UBXN11: variants seen among roughly 807,000 people sequenced by gnomAD.
UBXN11 encodes the protein UBX domain protein 11.
In UBXN11, 47 loss-of-function variants were observed where a neutral mutation model predicts 62.8. The ratio of observed to expected loss-of-function variants is 0.75; its 90% CI spans 0.59 to 0.95. UBXN11 has a LOEUF of 0.95. UBXN11 is among the 40% of genes least tolerant of loss of function. UBXN11 has a pLI of 0.00. For synonymous variants in UBXN11, 294 were observed against 267.0 expected (o/e 1.10, Z -0.99); for missense variants, 638 against 661.7 (o/e 0.96, Z 0.39).
chr1:26,301,119 T>C, intron 3 of UBXN11, 95 bp from the exon 4 acceptor site: 1 of 1,595,316 alleles, frequency 6.3e-7, no homozygotes. Flanking sequence ...GCCTATGCAC[T>C]GTGCCCCAGG....
chr1:26,304,460 TTC>T (rs2073613566), intron 1 of UBXN11, among the ~76,000 whole-genome samples: 1 of 151,924 alleles, frequency 6.6e-6, no homozygotes, highest in African/African-American at 2.4e-5. Context: ...CAGAAAAAAA[TTC>T]AAAATTCTGG....
intron 4 of UBXN11, among the ~76,000 whole-genome samples, chr1:26,299,291 C>G (rs530793088): frequency 2.4e-4 from 36 of 151,522 alleles, no homozygotes; most frequent in African/African-American, 8.5e-4. Context: ...GCGGGCAGAT[C>G]ACTTGAGACC....
intron 8 of UBXN11, among the ~76,000 whole-genome samples, chr1:26,291,629 A>G (rs1483904091): frequency 6.6e-6 from 1 of 152,124 alleles, no homozygotes; most frequent in Non-Finnish European, 1.5e-5. Context: ...TGGCAGGCCT[A>G]CCTGAAGCCT....
At chr1:26,294,088 C>T (rs531921750) in intron 8 of UBXN11, 117 bp downstream of exon 8, 26 of 1,471,744 alleles carry the variant, frequency 1.8e-5, no homozygotes, top group South Asian at 7.8e-5. Flanking sequence ...GCTCTCAGGG[C>T]GTCTTGGGTC....
intron 8 of UBXN11, among the ~76,000 whole-genome samples, chr1:26,293,144 G>T (rs1018477302): frequency 6.6e-6 from 1 of 152,184 alleles, no homozygotes; most frequent in Non-Finnish European, 1.5e-5. Flanking sequence ...GGCGCTCTGC[G>T]TTTAACTCAT....
chr1:26,313,970 TG>T (rs1467859496), intron 1 of UBXN11, among the ~76,000 whole-genome samples: 1 of 151,698 alleles, frequency 6.6e-6, no homozygotes, highest in Non-Finnish European at 1.5e-5. Context: ...TTAGTAGAGA[TG>T]GGGTTTCACT....
chr1:26,303,819 T>A (rs2073598663), intron 1 of UBXN11, among the ~76,000 whole-genome samples: 1 of 152,068 alleles, frequency 6.6e-6, no homozygotes, highest in Non-Finnish European at 1.5e-5. Context: ...AGCGCCAAGC[T>A]CAAAGGAAGC....
At chr1:26,304,784 G>A (rs1322925089) in intron 1 of UBXN11, among the ~76,000 whole-genome samples, 1 of 151,934 alleles carries the variant, frequency 6.6e-6, no homozygotes, top group African/African-American at 2.4e-5. Flanking sequence ...TGATATAGGT[G>A]ACCTGGTCCC....
intron 8 of UBXN11, among the ~76,000 whole-genome samples, chr1:26,287,315 T>C (rs1461084084): frequency 1.3e-5 from 2 of 151,942 alleles, no homozygotes; most frequent in African/African-American, 4.8e-5. Context: ...CTGAAACACG[T>C]GTGGCGCATA....
At chr1:26,306,136 T>TG (rs2073661979) in intron 1 of UBXN11, among the ~76,000 whole-genome samples, 2 of 152,222 alleles carry the variant, frequency 1.3e-5, no homozygotes, top group Admixed American at 1.3e-4. Flanking sequence ...TCCTTCACTT[T>TG]GGGGCTTCCA....
chr1:26,301,821 A>T (rs2073545081), intron 2 of UBXN11, 99 bp from the exon 3 acceptor site: 2 of 1,505,706 alleles, frequency 1.3e-6, no homozygotes, highest in Non-Finnish European at 1.8e-6. Context: ...CCAAAGCTCA[A>T]AGAGATGGAA....
intron 7 of UBXN11, among the ~76,000 whole-genome samples, chr1:26,295,351 G>A (rs757505059): frequency 3.3e-5 from 5 of 152,024 alleles, no homozygotes; most frequent in Non-Finnish European, 7.4e-5. Context: ...ACAATCCAGG[G>A]GCGGCGCCTG....
intron 1 of UBXN11, among the ~76,000 whole-genome samples, chr1:26,304,685 G>A (rs1041312851): frequency 2.6e-5 from 4 of 152,080 alleles, no homozygotes; most frequent in Admixed American, 2.0e-4. Flanking sequence ...CCCAGGAGGC[G>A]GAGGTTGCAG....
intron 12 of UBXN11, 112 bp downstream of exon 12, chr1:26,284,030 C>A (rs1319076702): frequency 9.2e-7 from 1 of 1,085,922 alleles, no homozygotes; most frequent in East Asian, 2.5e-5. Context: ...CTGAGGGACT[C>A]ATCAGGTGCC....
chr1:26,302,248 A>C (rs1358853582), intron 2 of UBXN11, among the ~76,000 whole-genome samples: 1 of 151,828 alleles, frequency 6.6e-6, no homozygotes, highest in Non-Finnish European at 1.5e-5. Flanking sequence ...CTGTAGTCCC[A>C]GCTACTGAGG....
chr1:26,282,827 A>G (rs776033967), intron 13 of UBXN11, 37 bp downstream of exon 13: 1 of 1,614,000 alleles, frequency 6.2e-7, no homozygotes, highest in South Asian at 1.1e-5. Flanking sequence ...CGGTGACCCA[A>G]CGCCCCCAGG....
In UBXN11 at chr1:26,285,305, C is replaced by G. The variant is rs528882004; in HGVS notation, c.852+159G>C. ...CTGTTTCGGGCCTCTCCGCTCCCTTCCCAGCCCGGCTTCAGACTTATCCTC... is the reference window on the plus strand; with the variant it reads ...CTGTTTCGGGCCTCTCCGCTCCCTTGCCAGCCCGGCTTCAGACTTATCCTC... On this transcript the variant is annotated intron_variant, in intron 10 of 14. Coordinates refer to ENST00000374222, the MANE Select transcript of UBXN11 (RefSeq NM_001389556.1). 4 of 1,454,828 alleles carry G rather than the reference C, an allele frequency of 2.7e-6. No individual in the cohort carries two copies. In the East Asian group the frequency reaches 1.1e-4, roughly 39 times the overall value. The allele number at this position is 1,454,828 out of a possible 1,614,324, so 90.1% of individuals were successfully genotyped here.
intron 3 of UBXN11, among the ~76,000 whole-genome samples, chr1:26,301,365 G>A (rs1219813624): frequency 1.3e-5 from 2 of 152,152 alleles, no homozygotes; most frequent in Non-Finnish European, 1.5e-5. Flanking sequence ...GGAGGGGGAA[G>A]GGGGGCTGGG....
chr1:26,285,930 C>A lies in UBXN11; in HGVS notation c.667G>T (p.Gly223Cys), dbSNP rs763898877. 8 of 1,613,530 alleles carry A rather than the reference C, an allele frequency of 5.0e-6. No homozygotes were observed. In the East Asian group the frequency reaches 1.1e-4, roughly 22 times the overall value. Residue 223 changes from glycine (G) to cysteine (C), a missense_variant, in exon 9 of 15, where the codon GGC becomes TGC. Transcript: ENST00000374222. ...TCGAGGGTACGCAGCCGTGCCCCGCCGGGCACTGGTGTCACTTGGGTGTCA... is the reference window on the plus strand; with the variant it reads ...TCGAGGGTACGCAGCCGTGCCCCGCAGGGCACTGGTGTCACTTGGGTGTCA... ...EGDTQVTPVP[G>C]GARLRTLEPI...
Sources: gnomAD v4.1 joint callset for allele counts (sites outside exome capture counted in the v4.1 genomes callset) on GRCh38, gnomAD v4.1.1 for gene constraint, MANE v1.5 for transcripts, NCBI Gene and HGNC (gene_info 2026-07-23, HGNC 2026-07-21) for gene names.